Variants in CTNND2 observed in about 807,000 individuals in gnomAD.
CTNND2 encodes the protein catenin delta 2.
In CTNND2, 22 loss-of-function variants were observed where a neutral mutation model predicts 144.4. The observed-to-expected ratio is 0.15, with a 90% CI of 0.11 to 0.22. The LOEUF (loss-of-function observed/expected upper bound fraction) is 0.22, where lower values mean the gene tolerates loss of function less well. CTNND2 is among the 10% of genes least tolerant of loss of function. CTNND2 has a pLI of 1.00. For missense variants in CTNND2, 1,353 were observed against 1,618.8 expected, an observed-to-expected ratio of 0.84 and a Z score of 2.82; for synonymous variants, 751 against 695.6, an observed-to-expected ratio of 1.08 and a Z score of -1.25.
intron 1 of CTNND2, among the ~76,000 whole-genome samples, chr5:11,780,163 G>A (rs1053411180): frequency 1.6e-4 from 24 of 152,232 alleles, no homozygotes; most frequent in Non-Finnish European, 2.8e-4. Context: ...GAAGCTGACC[G>A]CCTCTGGGAT....
chr5:11,451,416 G>A (rs1327792440), intron 3 of CTNND2, among the ~76,000 whole-genome samples: 1 of 152,130 alleles, frequency 6.6e-6, no homozygotes, highest in African/African-American at 2.4e-5. Context: ...ACACAAATGT[G>A]CAACTGTCCT....
intron 2 of CTNND2, among the ~76,000 whole-genome samples, chr5:11,641,916 A>T (rs1782084887): frequency 6.6e-6 from 1 of 151,878 alleles, no homozygotes; most frequent in African/African-American, 2.4e-5. Context: ...AATACAAAAC[A>T]ATTTACATGT....
chr5:11,650,559 T>C (rs1384623194), intron 2 of CTNND2, among the ~76,000 whole-genome samples: 1 of 152,172 alleles, frequency 6.6e-6, no homozygotes, highest in Non-Finnish European at 1.5e-5. Flanking sequence ...TGTGGTAAAG[T>C]GTTGAACTTT....
chr5:11,405,163 C>T (rs1468463825), intron 5 of CTNND2, among the ~76,000 whole-genome samples: 1 of 149,186 alleles, frequency 6.7e-6, no homozygotes, highest in Non-Finnish European at 1.5e-5. Context: ...ATTTCAAGAC[C>T]AGGAAATTCC....
chr5:11,529,046 C>T (rs1773513333), intron 3 of CTNND2, among the ~76,000 whole-genome samples: 1 of 152,188 alleles, frequency 6.6e-6, no homozygotes, highest in Admixed American at 6.5e-5. Context: ...CTAACCAGGA[C>T]AGACTGGTGC....
chr5:11,355,439 A>G (rs1015047056), intron 8 of CTNND2, among the ~76,000 whole-genome samples: 1 of 152,198 alleles, frequency 6.6e-6, no homozygotes, highest in Admixed American at 6.5e-5. Flanking sequence ...GATTCTGCAA[A>G]TAAGTTGATA....
intron 11 of CTNND2, among the ~76,000 whole-genome samples, chr5:11,173,051 C>T (rs963105412): frequency 2.0e-5 from 3 of 152,224 alleles, no homozygotes; most frequent in Non-Finnish European, 4.4e-5. Context: ...ATTTAATTTT[C>T]AGCTTCCTAC....
chr5:11,685,772 C>T (rs951442336), intron 2 of CTNND2, among the ~76,000 whole-genome samples: 2 of 152,136 alleles, frequency 1.3e-5, no homozygotes, highest in Non-Finnish European at 2.9e-5. Flanking sequence ...AGGTAATTCC[C>T]TCACAGTAAA....
intron 2 of CTNND2, among the ~76,000 whole-genome samples, chr5:11,602,293 G>A (rs1017696122): frequency 1.3e-5 from 2 of 151,848 alleles, no homozygotes; most frequent in African/African-American, 4.8e-5. Flanking sequence ...GTTTTACACC[G>A]CTGGTACCAA....
intron 1 of CTNND2, among the ~76,000 whole-genome samples, chr5:11,851,657 C>T (rs1236436696): frequency 6.6e-6 from 1 of 152,204 alleles, no homozygotes; most frequent in East Asian, 1.9e-4. Context: ...TACTGAGTCA[C>T]AGGCAATCAT....
intron 11 of CTNND2, among the ~76,000 whole-genome samples, chr5:11,186,573 G>A (rs886524): frequency 0.15 from 22,643 of 152,136 alleles, 2,187 homozygotes; most frequent in Middle Eastern, 0.23. Context: ...TTATTTTGGC[G>A]TCTCTCAAAA....
At chr5:11,599,225 T>C (rs1318995677) in intron 2 of CTNND2, among the ~76,000 whole-genome samples, 2 of 152,004 alleles carry the variant, frequency 1.3e-5, no homozygotes, top group Non-Finnish European at 2.9e-5. Flanking sequence ...TCATAACACA[T>C]CTAGAGCAAC....
intron 1 of CTNND2, among the ~76,000 whole-genome samples, chr5:11,841,858 G>C (rs73048703): frequency 6.6e-6 from 1 of 151,272 alleles, no homozygotes; most frequent in East Asian, 1.9e-4. Context: ...AGCTCATCTA[G>C]TATCCATCCA....
intron 3 of CTNND2, among the ~76,000 whole-genome samples, chr5:11,492,116 C>T (rs893816355): frequency 3.9e-5 from 6 of 152,216 alleles, no homozygotes; most frequent in African/African-American, 1.4e-4. Flanking sequence ...CTACCATGCA[C>T]ACATCCCATA....
chr5:11,740,771 A>G (rs919274571), intron 1 of CTNND2, among the ~76,000 whole-genome samples: 2 of 152,204 alleles, frequency 1.3e-5, no homozygotes, highest in Non-Finnish European at 2.9e-5. Context: ...GACTGGGAGA[A>G]AATTTTTGCA....
chr5:11,813,195 T>C (rs1174940735), intron 1 of CTNND2, among the ~76,000 whole-genome samples: 1 of 152,222 alleles, frequency 6.6e-6, no homozygotes, highest in African/African-American at 2.4e-5. Context: ...AGTACAGTAG[T>C]ATACTGTACA....
intron 9 of CTNND2, among the ~76,000 whole-genome samples, chr5:11,249,919 A>C (rs1223122786): frequency 1.3e-5 from 2 of 152,102 alleles, no homozygotes; most frequent in Non-Finnish European, 2.9e-5. Context: ...AATCCTAAAG[A>C]ACATATGAAT....
chr5:11,101,652 A>G (rs1222120860), intron 14 of CTNND2, among the ~76,000 whole-genome samples: 1 of 152,244 alleles, frequency 6.6e-6, no homozygotes, highest in African/African-American at 2.4e-5. Context: ...GACTAAACTT[A>G]CAAATCTTGT....
intron 12 of CTNND2, among the ~76,000 whole-genome samples, chr5:11,138,468 G>A (rs551040317): frequency 3.9e-5 from 6 of 152,306 alleles, no homozygotes; most frequent in South Asian, 4.1e-4. Flanking sequence ...GCGAGGACAC[G>A]TGTTAAACTG....
Sources: allele counts gnomAD v4.1 joint callset (sites outside exome capture counted in the v4.1 genomes callset), GRCh38; gene constraint gnomAD v4.1.1; transcripts MANE v1.5; gene names NCBI Gene and HGNC (gene_info 2026-07-23, HGNC 2026-07-21).